MEI1: variants seen among roughly 807,000 people sequenced by gnomAD.
MEI1 encodes meiotic double-stranded break formation protein 1.
A neutral mutation model predicts 146.2 loss-of-function variants in MEI1; 103 were observed. The ratio of observed to expected loss-of-function variants is 0.70; its 90% CI spans 0.60 to 0.83. MEI1 has a LOEUF of 0.83. Among genes scored for constraint, MEI1 ranks in the 40% least tolerant of loss-of-function variants. MEI1 has a pLI of 0.00. For synonymous variants in MEI1, 652 were observed against 628.2 expected, an observed-to-expected ratio of 1.04 and a Z score of -0.57; for missense variants, 1,529 against 1,533.0, an observed-to-expected ratio of 1.00 and a Z score of 0.04.
At chr22:41,724,575 G>A (rs1052446544) in intron 7 of MEI1, among the ~76,000 whole-genome samples, 7 of 147,210 alleles carry the variant, frequency 4.8e-5, no homozygotes, top group South Asian at 2.1e-4. Flanking sequence ...CCAAGACCGC[G>A]CCACTGCACT....
At chr22:41,742,992 G>C in intron 11 of MEI1, 88 bp from the exon 12 acceptor site, 1 of 847,476 alleles carries the variant, frequency 1.2e-6, no homozygotes, top group Non-Finnish European at 2.0e-6. Context: ...TGATCCAACT[G>C]CACTGCCTCT....
At chr22:41,757,595 G>A (rs1246158319) in intron 17 of MEI1, among the ~76,000 whole-genome samples, 1 of 152,074 alleles carries the variant, frequency 6.6e-6, no homozygotes, top group African/African-American at 2.4e-5. Context: ...GACCTCAGGT[G>A]ATATACCCTC....
intron 11 of MEI1, among the ~76,000 whole-genome samples, chr22:41,737,550 G>T (rs953290822): frequency 4.1e-5 from 6 of 146,666 alleles, no homozygotes; most frequent in African/African-American, 1.5e-4. Flanking sequence ...CTTTTTTTCT[G>T]GGGGGTGAGG....
intron 6 of MEI1, among the ~76,000 whole-genome samples, chr22:41,722,758 T>G (rs1271168255): frequency 1.3e-5 from 2 of 152,204 alleles, no homozygotes; most frequent in Non-Finnish European, 2.9e-5. Context: ...ATTAGATGAT[T>G]CATTTGATTT....
chr22:41,739,669 A>ATG (rs1302997216), intron 11 of MEI1, among the ~76,000 whole-genome samples: 1 of 151,886 alleles, frequency 6.6e-6, no homozygotes, highest in African/African-American at 2.4e-5. Flanking sequence ...AGTGGGAGGG[A>ATG]TGAGTAAACC....
At position 41,742,969 on chromosome 22, in the gene MEI1, A is replaced by G. The variant is rs578098425; in HGVS notation, c.1332-111A>G. The G allele has an allele frequency of 1.9e-4, 137 of 707,166 alleles. No individual in the cohort carries two copies. In the African/African-American group the frequency reaches 2.0e-3, roughly 10 times the overall value. 43.8% of individuals were successfully genotyped at this position (707,166 alleles called of 1,614,324 possible). On this transcript the variant is annotated intron_variant, in intron 11 of 30. Coordinates refer to ENST00000401548, the MANE Select transcript of MEI1 (RefSeq NM_152513.4). ...CTGGAGTAAGGATTTTTATCAGATT[A>G]GATTCCATGTTCTGATCCAACTGCA... is the stretch of plus-strand genomic sequence containing the variant.
chr22:41,706,151 T>G (rs912956757), intron 3 of MEI1, among the ~76,000 whole-genome samples: 32 of 152,182 alleles, frequency 2.1e-4, no homozygotes, highest in African/African-American at 7.7e-4. Flanking sequence ...CCCGAGTATC[T>G]GGGACTACAG....
intron 4 of MEI1, 127 bp from the exon 5 acceptor site, chr22:41,715,914 G>C (rs1026502677): frequency 4.5e-6 from 3 of 669,062 alleles, no homozygotes; most frequent in East Asian, 2.9e-5. Context: ...AGCTAAAAAA[G>C]CTGATTGCTG....
Position 41,781,336 on chromosome 22 carries a change from C to T in MEI1, c.2868C>T (p.Pro956=). 1.9e-6 allele frequency: 3 copies of T among 1,613,664 alleles called. No individual in the cohort carries two copies. The highest frequency in any genetic ancestry group is 1.7e-6 in the Non-Finnish European group (2 of 1,179,816). ...CCACTGACGTGGACATCCTGCAGCC[C>T]TCCTTCAACTTCCTGTATTGGAGCC... The part of the protein sequence containing the change: ...CSPTDVDILQ[P]SFNFLYWSLH... Residue 956 remains proline (P), a synonymous_variant, in exon 23 of 31, where the codon CCC becomes CCT. Coordinates refer to ENST00000401548, the MANE Select transcript of MEI1 (RefSeq NM_152513.4).
At chr22:41,753,117 C>T (rs539003006) in intron 16 of MEI1, among the ~76,000 whole-genome samples, 1 of 151,760 alleles carries the variant, frequency 6.6e-6, no homozygotes, top group Admixed American at 6.6e-5. Flanking sequence ...CTCCTGGGTT[C>T]AAGCAATTCT....
At chr22:41,701,585 T>C (rs2068728275) in intron 1 of MEI1, among the ~76,000 whole-genome samples, 1 of 152,218 alleles carries the variant, frequency 6.6e-6, no homozygotes, top group African/African-American at 2.4e-5. Context: ...ACTCGTAAAC[T>C]AGCTAATAAC....
chr22:41,758,460 A>G lies in MEI1; in HGVS notation c.2047A>G (p.Met683Val), dbSNP rs1037032261. ...TGCCTTCCTGTCTGATCGCCAGTAC[A>G]TGGAGGGAGCTGCTCGCCAGAGACA... Reference protein sequence around the residue: ...SLAFLSDRQYMEGAARQRQYC... With the variant: ...SLAFLSDRQYVEGAARQRQYC... Residue 683 changes from methionine to valine, a missense_variant, in exon 18 of 31, where the codon ATG becomes GTG. Met to Val is a conservative substitution (Grantham distance 21). Coordinates refer to ENST00000401548, the MANE Select transcript of MEI1 (RefSeq NM_152513.4). 1.1e-5 allele frequency: 17 copies of G among 1,613,922 alleles called. No homozygotes were observed. The highest frequency in any genetic ancestry group is 3.3e-4 in the Middle Eastern group (2 of 6,062).
intron 18 of MEI1, among the ~76,000 whole-genome samples, chr22:41,759,922 C>G (rs1225868620): frequency 6.6e-6 from 1 of 152,078 alleles, no homozygotes; most frequent in Non-Finnish European, 1.5e-5. Flanking sequence ...ATCTGTAATC[C>G]CAGCACTTTG....
At chr22:41,704,158 T>G (rs942641333) in intron 2 of MEI1, among the ~76,000 whole-genome samples, 28 of 152,242 alleles carry the variant, frequency 1.8e-4, no homozygotes, top group African/African-American at 6.8e-4. Context: ...GTTCTTTCTT[T>G]TAATGTGACG....
chr22:41,744,225 C>T (rs900014278), intron 12 of MEI1, among the ~76,000 whole-genome samples: 6 of 151,890 alleles, frequency 4.0e-5, no homozygotes, highest in African/African-American at 1.2e-4. Context: ...GGCTGGAGTG[C>T]AGTGGTGCGA....
intron 4 of MEI1, among the ~76,000 whole-genome samples, chr22:41,715,139 G>A (rs1161983964): frequency 6.6e-6 from 1 of 151,978 alleles, no homozygotes; most frequent in Non-Finnish European, 1.5e-5. Context: ...AACATTTATT[G>A]AGCACTTTCT....
intron 20 of MEI1, among the ~76,000 whole-genome samples, chr22:41,771,758 T>C (rs1367584898): frequency 6.6e-6 from 1 of 152,138 alleles, no homozygotes; most frequent in Non-Finnish European, 1.5e-5. Flanking sequence ...TTAACTCCAC[T>C]TTTTTTCCTT....
chr22:41,716,389 T>C (rs2070176055), intron 5 of MEI1, among the ~76,000 whole-genome samples: 2 of 58,704 alleles, frequency 3.4e-5, no homozygotes, highest in African/African-American at 1.6e-4. Flanking sequence ...TTTTTTTTTT[T>C]TTTTGAGACG....
Position 41,795,932 on chromosome 22 carries a change from C to G in MEI1, c.3779+85C>G. ...TCTTCCTGGGCCAGTTTATGCGGTA[C>G]CGGAGTAGCAGTGTCCTCTCTCATG... On this transcript the variant is annotated intron_variant, in intron 30 of 30. Transcript: ENST00000401548. This position sits in a 1 kb window ranked among gnomAD's most constrained non-coding sequence, Gnocchi z 4.2. 1 of 1,612,348 alleles carries G rather than the reference C, an allele frequency of 6.2e-7. No homozygotes were observed. The highest frequency in any genetic ancestry group is 8.5e-7 in the Non-Finnish European group (1 of 1,179,570).
Sources: allele counts gnomAD v4.1 joint callset (sites outside exome capture counted in the v4.1 genomes callset), GRCh38; gene constraint gnomAD v4.1.1; non-coding constraint Gnocchi (gnomAD v3.1); transcripts MANE v1.5; gene names NCBI Gene and HGNC (gene_info 2026-07-23, HGNC 2026-07-21).